LBR: variants seen among roughly 807,000 people sequenced by gnomAD.
LBR encodes the protein lamin B receptor.
In LBR, 28 loss-of-function variants were observed where a neutral mutation model predicts 74.3. The ratio of observed to expected loss-of-function variants is 0.38; its 90% CI spans 0.28 to 0.52. The LOEUF is 0.52. Ranked by LOEUF, LBR falls within the 20% of genes least tolerant of loss-of-function variation. The probability of loss-of-function intolerance (pLI) is 0.89; values close to 1 mark genes in which losing one functional copy is unlikely to be tolerated. For synonymous variants in LBR, 228 were observed against 269.3 expected, an observed-to-expected ratio of 0.85 and a Z score of 1.50; for missense variants, 717 against 760.3, an observed-to-expected ratio of 0.94 and a Z score of 0.67.
Position 225,412,564 on chromosome 1 carries a change from T to C in LBR, c.974A>G (p.His325Arg). Residue 325 changes from histidine (H) to arginine (R), a missense_variant, in exon 8 of 14, where the codon CAT becomes CGT. Coordinates refer to ENST00000272163, the MANE Select transcript of LBR (RefSeq NM_002296.4). ...QGVEFHYVYS[H>R]FLQFALAATV... ...GGCCGCAAGTGCAAACTGAAGAAAATGACTGTACACGTAATGAAACTCTAC... is the reference window on the plus strand; with the variant it reads ...GGCCGCAAGTGCAAACTGAAGAAAACGACTGTACACGTAATGAAACTCTAC... The C allele has an allele frequency of 6.2e-7, 1 of 1,612,294 alleles. No individual in the cohort carries two copies. Among genetic ancestry groups the C allele is most frequent in the Admixed American group, 1.7e-5 (1 of 59,774 alleles).
At position 225,403,338 on chromosome 1, in the gene LBR, G is replaced by A. The variant is rs918778528; in HGVS notation, c.1813C>T (p.Arg605Cys). 5.0e-6 allele frequency: 8 copies of A among 1,613,522 alleles called. No homozygotes were observed. Among genetic ancestry groups the A allele is most frequent in the East Asian group, 2.2e-5 (1 of 44,864 alleles). ...TATGGAAATATACGGTAGGGCACAC[G>A]CTGACAGTACTTTTCCCAAGCCACG... The part of the protein sequence containing the change: ...YGVAWEKYCQ[R>C]VPYRIFPYIY The change falls in exon 14 of 14, where the codon CGT becomes TGT. Residue 605 changes from arginine to cysteine, a missense_variant. Physicochemically the swap from Arg to Cys is radical, Grantham distance 180 (BLOSUM62 -3). Coordinates refer to ENST00000272163, the MANE Select transcript of LBR (RefSeq NM_002296.4).
chr1:225,416,505 CCTCCT>C (rs2150953516), intron 6 of LBR, among the ~76,000 whole-genome samples: 1 of 152,304 alleles, frequency 6.6e-6, no homozygotes, highest in East Asian at 1.9e-4. Context: ...AGCTAGCATT[CCTCCT>C]CTCCCAAGAG....
chr1:225,423,465 T>G (rs2150959615), intron 2 of LBR, among the ~76,000 whole-genome samples: 1 of 151,948 alleles, frequency 6.6e-6, no homozygotes, highest in African/African-American at 2.4e-5. Flanking sequence ...TTCCAGCACT[T>G]GGCTGACTGT....
intron 11 of LBR, among the ~76,000 whole-genome samples, chr1:225,406,097 G>A (rs1014414539): frequency 1.3e-5 from 2 of 152,078 alleles, no homozygotes; most frequent in Non-Finnish European, 2.9e-5. Flanking sequence ...CACCCTTGCT[G>A]AGCTGTTCCC....
chr1:225,408,674 C>A (rs1575220652), intron 10 of LBR, among the ~76,000 whole-genome samples: 1 of 152,234 alleles, frequency 6.6e-6, no homozygotes, highest in Admixed American at 6.5e-5. Flanking sequence ...AAAATACAAT[C>A]TTTCCTCAAG....
At position 225,424,020 on chromosome 1, in the gene LBR, C is replaced by T. The variant is rs1408381788; in HGVS notation, c.56G>A (p.Ser19Asn). The T allele has an allele frequency of 6.2e-7, 1 of 1,614,056 alleles. No individual in the cohort carries two copies. Among genetic ancestry groups the T allele is most frequent in the South Asian group, 1.1e-5 (1 of 91,090 alleles). Residue 19 changes from serine to asparagine, a missense_variant, in exon 2 of 14, where the codon AGT (serine) becomes AAT (asparagine). Ser to Asn is a conservative substitution (Grantham distance 46). Transcript: ENST00000272163. ...GEVVRGRWPG[S>N]SLYYEVEILS... ...AATTTCTACTTCATAATAAAGTGAA[C>T]TCCCAGGCCATCGACCTCTTACCAC...
intron 12 of LBR, 22 bp from the exon 13 acceptor site, chr1:225,404,548 T>C: frequency 1.9e-6 from 3 of 1,581,170 alleles, no homozygotes; most frequent in Non-Finnish European, 2.6e-6. Context: ...TAAAAGTACA[T>C]TTTTAATGAT....
intron 11 of LBR, among the ~76,000 whole-genome samples, chr1:225,406,276 G>A (rs536285653): frequency 6.6e-6 from 1 of 152,240 alleles, no homozygotes; most frequent in South Asian, 2.1e-4. Context: ...CTCACAGCAA[G>A]GCAGGAATGT....
At position 225,412,624 on chromosome 1, in the gene LBR, G is replaced by A. The variant is rs2096108520; in HGVS notation, c.914C>T (p.Thr305Ile). Residue 305 changes from threonine to isoleucine, a missense_variant, in exon 8 of 14, where the codon ACA becomes ATA. Transcript: ENST00000272163. The part of the protein sequence containing the change: ...RLNGFYAFIL[T>I]SAVIGTSLFQ... ...GAGAGATGTTCCGATGACTGCAGAT[G>A]TCAGGATAAAAGCATAGAATCCTTT... The A allele has an allele frequency of 1.9e-6, 3 of 1,578,928 alleles. No individual in the cohort carries two copies. The highest frequency in any genetic ancestry group is 1.7e-5 in the Admixed American group (1 of 59,452).
rs111291115 is a variant in LBR, at chr1:225,416,334, C to A, written c.838-1002G>T. Among the ~76,000 whole-genome samples, 21 of 152,314 alleles carry A rather than the reference C, an allele frequency of 1.4e-4. 1 individual carries two copies. Among genetic ancestry groups the A allele is most frequent in the Admixed American group, 2.6e-4 (4 of 15,296 alleles). On this transcript the variant is annotated intron_variant, in intron 6 of 13. Transcript: ENST00000272163. ...CCCACAGGCATGGTACCCAATAGAA[C>A]TGGCTCAGTAAAAAGTCCACTTGCT...
At position 225,406,715 on chromosome 1, in the gene LBR, G is replaced by A; in HGVS notation, c.1432C>T (p.His478Tyr). Reference protein sequence around the residue: ...YSFQAFYLVSHPNEVSWPMAS... With the variant: ...YSFQAFYLVSYPNEVSWPMAS... ...ATTGGCCAAGACACTTCATTTGGAT[G>A]ACTGACTAAATAAAAGGCTTGGAAG... Residue 478 changes from histidine to tyrosine, a missense_variant, in exon 11 of 14, where the codon CAT (histidine) becomes TAT (tyrosine). Coordinates refer to ENST00000272163, the MANE Select transcript of LBR (RefSeq NM_002296.4). The A allele has an allele frequency of 6.2e-7, 1 of 1,613,798 alleles. No individual in the cohort carries two copies. Among genetic ancestry groups the A allele is most frequent in the African/African-American group, 1.3e-5 (1 of 74,980 alleles).
intron 1 of LBR, among the ~76,000 whole-genome samples, chr1:225,426,454 C>T (rs184853514): frequency 9.9e-5 from 15 of 152,174 alleles, no homozygotes; most frequent in African/African-American, 3.6e-4. Flanking sequence ...TCCTCATTCG[C>T]CATAAACAGG....
At chr1:225,426,357 G>A (rs2096139117) in intron 1 of LBR, among the ~76,000 whole-genome samples, 1 of 152,212 alleles carries the variant, frequency 6.6e-6, no homozygotes, top group African/African-American at 2.4e-5. Flanking sequence ...TCACCTACAG[G>A]AGTCAAGATA....
At chr1:225,403,788 A>G (rs2096085859) in intron 13 of LBR, among the ~76,000 whole-genome samples, 1 of 152,014 alleles carries the variant, frequency 6.6e-6, no homozygotes, top group Non-Finnish European at 1.5e-5. Flanking sequence ...CTTCCACCAC[A>G]GGCTGGGCCA....
chr1:225,413,261 C>CA (rs2096110059), intron 7 of LBR, among the ~76,000 whole-genome samples: 9 of 152,218 alleles, frequency 5.9e-5, no homozygotes, highest in Admixed American at 3.3e-4. Context: ...GGGGTAGGGA[C>CA]AGCAGGCGGG....
intron 11 of LBR, chr1:225,406,414 A>G: frequency 1.9e-5 from 7 of 366,158 alleles, no homozygotes; most frequent in Non-Finnish European, 3.4e-5. Context: ...AATTAAAACA[A>G]CTTAAATTTA....
At chr1:225,423,570 G>A (rs1410993020) in intron 2 of LBR, among the ~76,000 whole-genome samples, 1 of 152,128 alleles carries the variant, frequency 6.6e-6, no homozygotes, top group Non-Finnish European at 1.5e-5. Flanking sequence ...ACTTGGCTAG[G>A]TGTCACTGCC....
In LBR at chr1:225,423,398, A is replaced by T. The variant is rs537278873; in HGVS notation, c.165+513T>A. ...CAGGATGAAGCCCAAACCCTTGGGCATGGAATATAAAAGCCCCCCCAGCCT... is the reference window on the plus strand; with the variant it reads ...CAGGATGAAGCCCAAACCCTTGGGCTTGGAATATAAAAGCCCCCCCAGCCT... On this transcript the variant is annotated intron_variant, in intron 2 of 13. Transcript: ENST00000272163. 8.1e-4 allele frequency among the ~76,000 whole-genome samples: 124 copies of T among 152,176 alleles called. 4 individuals are homozygous for T. In the South Asian group the frequency reaches 0.018, roughly 23 times the overall value.
rs758821730 is a variant in LBR, at chr1:225,423,965, G to A, written c.111C>T (p.Tyr37=). The change falls in exon 2 of 14, where the codon TAC becomes TAT. Residue 37 remains tyrosine, a synonymous_variant. Transcript: ENST00000272163. ...CTGTTCCATCTTTATACTTCACAGT[G>A]TAAAGCTGGGAGGTGCTGTCGTGGC... is the stretch of plus-strand genomic sequence containing the variant. ...ILSHDSTSQL[Y]TVKYKDGTEL... The A allele has an allele frequency of 1.1e-5, 18 of 1,613,072 alleles. No individual in the cohort carries two copies. Among genetic ancestry groups the A allele is most frequent in the Non-Finnish European group, 1.5e-5 (18 of 1,179,168 alleles).
Sources: gnomAD v4.1 joint callset for allele counts (sites outside exome capture counted in the v4.1 genomes callset) on GRCh38, gnomAD v4.1.1 for gene constraint, MANE v1.5 for transcripts, NCBI Gene and HGNC (gene_info 2026-07-23, HGNC 2026-07-21) for gene names.